SPTLC1: variants seen among roughly 807,000 people sequenced by gnomAD.
SPTLC1 encodes serine palmitoyltransferase long chain base subunit 1.
A neutral mutation model predicts 68.9 loss-of-function variants in SPTLC1; 55 were observed. That is an observed-to-expected ratio of 0.80 (90% CI 0.64 to 1.00). The LOEUF is 1.00. Ranked by LOEUF, SPTLC1 falls within the 50% of genes least tolerant of loss-of-function variation. The pLI is 0.00. For synonymous variants in SPTLC1, 197 were observed against 201.6 expected (o/e 0.98, Z 0.19); for missense variants, 449 against 573.1 (o/e 0.78, Z 2.21).
At chr9:92,080,774 A>C in intron 4 of SPTLC1, 96 bp downstream of exon 4, 1 of 973,984 alleles carries the variant, frequency 1.0e-6, no homozygotes, top group Non-Finnish European at 1.6e-6. Flanking sequence ...TCCTGACCTG[A>C]AGTGATCCAC....
intron 12 of SPTLC1, among the ~76,000 whole-genome samples, chr9:92,042,443 AAAT>A (rs1470901747): frequency 6.6e-6 from 1 of 152,218 alleles, no homozygotes; most frequent in African/African-American, 2.4e-5. Flanking sequence ...AGTTTAGAGA[AAAT>A]AATAATATTC....
rs1043465768 is a variant in SPTLC1 at position 92,031,458 on chromosome 9, G to C, written c.*1007C>G. 2.0e-5 allele frequency: 3 copies of C among 152,028 alleles called. No homozygotes were observed. Among genetic ancestry groups the C allele is most frequent in the Non-Finnish European group, 4.4e-5 (3 of 67,972 alleles). The allele number at this position is 152,028 out of a possible 1,614,324, so 9.4% of individuals were successfully genotyped here. A position where few individuals can be genotyped will look rare whatever the true frequency, so the allele number is the denominator to read the frequency against. The stretch of plus-strand genomic sequence containing the variant: ...AACAAACCTTTACACCACATAACCT[G>C]GTTTGCTAAAGAAAAAACAGGTAAA... On this transcript the variant is annotated 3_prime_UTR_variant, in exon 15 of 15. Coordinates refer to ENST00000262554, the MANE Select transcript of SPTLC1 (RefSeq NM_006415.4).
chr9:92,095,991 T>C (rs1234657281), intron 3 of SPTLC1, among the ~76,000 whole-genome samples: 1 of 152,160 alleles, frequency 6.6e-6, no homozygotes, highest in Non-Finnish European at 1.5e-5. Context: ...GGAGAGGCTG[T>C]GTATAAACTG....
chr9:92,083,102 G>C (rs1253653919), intron 3 of SPTLC1, among the ~76,000 whole-genome samples: 10 of 150,266 alleles, frequency 6.7e-5, no homozygotes, highest in Admixed American at 2.0e-4. Context: ...TTTTTTTCTT[G>C]TAAATTTGTT....
At chr9:92,091,751 A>G (rs1489038145) in intron 3 of SPTLC1, among the ~76,000 whole-genome samples, 2 of 152,222 alleles carry the variant, frequency 1.3e-5, no homozygotes, top group Non-Finnish European at 2.9e-5. Context: ...AAACAGATTA[A>G]ACTCCTCAGT....
intron 9 of SPTLC1, among the ~76,000 whole-genome samples, chr9:92,049,319 C>A (rs1833626232): frequency 6.6e-6 from 1 of 152,196 alleles, no homozygotes; most frequent in South Asian, 2.1e-4. Context: ...GGTAAGACAG[C>A]TGTTCAAGAC....
chr9:92,101,752 G>GA (rs972283238), intron 3 of SPTLC1, among the ~76,000 whole-genome samples: 2 of 149,020 alleles, frequency 1.3e-5, no homozygotes, highest in African/African-American at 5.0e-5. Context: ...GAAAAAAGGA[G>GA]AAAAAAAGAG....
chr9:92,114,723 G>A (rs78716618), intron 1 of SPTLC1, among the ~76,000 whole-genome samples: 4,287 of 144,216 alleles, frequency 0.03, 142 homozygotes, highest in Admixed American at 0.11. Context: ...CAACAAGTGC[G>A]AAACACCGTC....
At chr9:92,090,850 C>T (rs1393744250) in intron 3 of SPTLC1, among the ~76,000 whole-genome samples, 2 of 152,246 alleles carry the variant, frequency 1.3e-5, no homozygotes, top group East Asian at 3.9e-4. Context: ...CAGAAGGAGA[C>T]TCTTTTCTGC....
At chr9:92,047,750 G>A (rs1564086133) in intron 9 of SPTLC1, 42 bp from the exon 10 acceptor site, 4 of 1,428,222 alleles carry the variant, frequency 2.8e-6, no homozygotes, top group Admixed American at 3.5e-5. Flanking sequence ...ACAGTTTAAA[G>A]AAAAAAAAGG....
At chr9:92,102,214 C>A (rs936788786) in intron 3 of SPTLC1, among the ~76,000 whole-genome samples, 3 of 152,236 alleles carry the variant, frequency 2.0e-5, no homozygotes, top group African/African-American at 4.8e-5. Flanking sequence ...GAAATAAAGT[C>A]TTTCCCAGAC....
chr9:92,070,468 C>T (rs1054063853), intron 5 of SPTLC1, among the ~76,000 whole-genome samples: 1 of 152,198 alleles, frequency 6.6e-6, no homozygotes, highest in African/African-American at 2.4e-5. Context: ...GTATTAAACA[C>T]GGCAGAGAAG....
intron 4 of SPTLC1, among the ~76,000 whole-genome samples, 175 bp from the exon 5 acceptor site, chr9:92,080,263 C>G (rs1834831691): frequency 1.3e-5 from 2 of 152,208 alleles, no homozygotes; most frequent in South Asian, 4.1e-4. Flanking sequence ...AAAAGTTATA[C>G]TAGCCTGATT....
chr9:92,086,099 A>G (rs1835115858), intron 3 of SPTLC1, among the ~76,000 whole-genome samples: 1 of 151,484 alleles, frequency 6.6e-6, no homozygotes, highest in African/African-American at 2.4e-5. Flanking sequence ...TGCTTGGTAG[A>G]TCTTCCTCCA....
chr9:92,049,888 A>G (rs1317580372), intron 9 of SPTLC1, 72 bp downstream of exon 9: 3 of 1,036,402 alleles, frequency 2.9e-6, no homozygotes, highest in Admixed American at 3.4e-5. Flanking sequence ...GCCTATAAAA[A>G]TATAGGCCTA....
At chr9:92,073,568 G>A (rs1014862329) in intron 5 of SPTLC1, among the ~76,000 whole-genome samples, 5 of 152,104 alleles carry the variant, frequency 3.3e-5, no homozygotes, top group Admixed American at 2.0e-4. Context: ...CCATCTAGCT[G>A]CCACCCTCAG....
At position 92,112,442 on chromosome 9, in the gene SPTLC1, T is replaced by C. The variant is rs1174291667; in HGVS notation, c.165+13A>G. On this transcript the variant is annotated intron_variant, in intron 2 of 14. Transcript: ENST00000262554. Reference sequence around the variant, plus strand: ...ACATACCCAATAATTAAAACAGAGATTTAATTTCGTACCTTGACTGTAAGA... The same window carrying C: ...ACATACCCAATAATTAAAACAGAGACTTAATTTCGTACCTTGACTGTAAGA... 9.6e-6 allele frequency: 15 copies of C among 1,555,632 alleles called. No individual in the cohort carries two copies. In the South Asian group the frequency reaches 1.4e-4, roughly 15 times the overall value.
At chr9:92,068,552 T>A (rs1009799986) in intron 5 of SPTLC1, among the ~76,000 whole-genome samples, 1 of 152,238 alleles carries the variant, frequency 6.6e-6, no homozygotes, top group African/African-American at 2.4e-5. Context: ...TAACCACTCC[T>A]CTAACAATCT....
At chr9:92,037,283 C>A (rs143684207) in intron 13 of SPTLC1, among the ~76,000 whole-genome samples, 135 of 152,336 alleles carry the variant, frequency 8.9e-4, no homozygotes, top group Non-Finnish European at 1.4e-3. Flanking sequence ...TGGTAGCTGC[C>A]ATTATGACCC....
Sources: gnomAD v4.1 joint callset for allele counts (sites outside exome capture counted in the v4.1 genomes callset) on GRCh38, gnomAD v4.1.1 for gene constraint, MANE v1.5 for transcripts, NCBI Gene and HGNC (gene_info 2026-07-23, HGNC 2026-07-21) for gene names.